The following ETV5 variants were observed in gnomAD, a reference collection of about 807,000 sequenced individuals.
ETV5 encodes ETS variant transcription factor 5.
Under a neutral mutation model 70.0 loss-of-function variants are expected in ETV5, and 10 were observed. The ratio of observed to expected loss-of-function variants is 0.14; its 90% CI spans 0.09 to 0.24. The LOEUF (loss-of-function observed/expected upper bound fraction) is 0.24. Among genes scored for constraint, ETV5 ranks in the 10% least tolerant of loss-of-function variants. The pLI is 1.00. For missense variants in ETV5, 453 were observed against 651.2 expected, an observed-to-expected ratio of 0.70 and a Z score of 3.31; for synonymous variants, 216 against 242.2, an observed-to-expected ratio of 0.89 and a Z score of 1.01.
rs1377306206 is a variant in ETV5 at position 186,052,535 on chromosome 3, A to G, written c.1210-404T>C. Among the ~76,000 whole-genome samples, 5 of 152,190 alleles carry G rather than the reference A, an allele frequency of 3.3e-5. No individual in the cohort carries two copies. Among genetic ancestry groups the G allele is most frequent in the African/African-American group, 9.7e-5 (4 of 41,440 alleles). ...AGAATGGTCATTCCTGAAACATTAG[A>G]AACACACTAGTGAGTTGCTAATGGG... On this transcript the variant is annotated intron_variant, in intron 11 of 12. Transcript: ENST00000306376. The surrounding 1 kb of genome is among the most constrained non-coding windows in gnomAD (Gnocchi z 4.5).
intron 5 of ETV5, among the ~76,000 whole-genome samples, chr3:186,089,154 T>G (rs575253401): frequency 6.6e-6 from 1 of 152,256 alleles, no homozygotes; most frequent in East Asian, 1.9e-4. Flanking sequence ...TTCTGGCACT[T>G]AAAAAAGAAT....
In ETV5 at chr3:186,057,494, G is replaced by T; in HGVS notation, c.971-3C>A. The T allele has an allele frequency of 6.2e-7, 1 of 1,612,630 alleles. No individual in the cohort carries two copies. Among genetic ancestry groups the T allele is most frequent in the African/African-American group, 1.3e-5 (1 of 75,000 alleles). ...GGGATCTTTTTCATATGAAAAACCT[G>T]AAAGAGAATTTAAAAGAAAGACTAC... On this transcript the variant is annotated splice_region_variant and splice_polypyrimidine_tract_variant and intron_variant, in intron 9 of 12. Coordinates refer to ENST00000306376, the MANE Select transcript of ETV5 (RefSeq NM_004454.3). This position sits in a 1 kb window ranked among gnomAD's most constrained non-coding sequence, Gnocchi z 4.9.
At chr3:186,102,097 T>C (rs750703065) in intron 5 of ETV5, among the ~76,000 whole-genome samples, 127 of 152,084 alleles carry the variant, frequency 8.4e-4, no homozygotes, top group Non-Finnish European at 1.5e-3. Flanking sequence ...TGTATCCCTA[T>C]GGGCAGGAAA....
At chr3:186,091,763 G>A (rs1714187971) in intron 5 of ETV5, among the ~76,000 whole-genome samples, 1 of 152,166 alleles carries the variant, frequency 6.6e-6, no homozygotes, top group Non-Finnish European at 1.5e-5. Context: ...CATGGACTAT[G>A]GGAAAGACAT....
chr3:186,084,443 G>A (rs1380039583), intron 5 of ETV5, among the ~76,000 whole-genome samples: 4 of 150,928 alleles, frequency 2.7e-5, no homozygotes, highest in African/African-American at 9.8e-5. Context: ...TCTTTGTCAT[G>A]AAGATCTTTC....
At chr3:186,082,313 T>G (rs1713950961) in intron 5 of ETV5, among the ~76,000 whole-genome samples, 1 of 152,252 alleles carries the variant, frequency 6.6e-6, no homozygotes, top group Non-Finnish European at 1.5e-5. Context: ...GTCAGTGGTC[T>G]GGTGACCCAG....
intron 7 of ETV5, among the ~76,000 whole-genome samples, chr3:186,073,206 T>G (rs1053377714): frequency 2.6e-5 from 4 of 152,220 alleles, no homozygotes; most frequent in African/African-American, 9.6e-5. Flanking sequence ...CATTACATTT[T>G]AAAAACTTAA....
At chr3:186,108,700 G>A (rs1247729848) in intron 1 of ETV5, 1 of 1,135,794 alleles carries the variant, frequency 8.8e-7, no homozygotes, top group African/African-American at 1.7e-5. Flanking sequence ...ACGACGTGTG[G>A]AAAGCCGCTC....
At chr3:186,069,130 T>A (rs909863933) in intron 7 of ETV5, among the ~76,000 whole-genome samples, 2 of 152,182 alleles carry the variant, frequency 1.3e-5, no homozygotes, top group African/African-American at 4.8e-5. Flanking sequence ...ACTGTTTACA[T>A]CAGGGTATAG....
intron 5 of ETV5, among the ~76,000 whole-genome samples, chr3:186,081,836 C>T (rs1051930784): frequency 2.0e-5 from 3 of 152,266 alleles, no homozygotes; most frequent in Admixed American, 6.5e-5. Flanking sequence ...TTTGTGCTTA[C>T]AACATCTGCT....
chr3:186,080,391 G>C (rs1713904565), intron 6 of ETV5, among the ~76,000 whole-genome samples: 2 of 151,066 alleles, frequency 1.3e-5, no homozygotes, highest in Admixed American at 6.6e-5. Flanking sequence ...CTCCGTGTAT[G>C]CCTGTGTAGG....
At chr3:186,055,869 T>C (rs1297102056) in intron 11 of ETV5, among the ~76,000 whole-genome samples, 1 of 152,220 alleles carries the variant, frequency 6.6e-6, no homozygotes, top group Non-Finnish European at 1.5e-5. Flanking sequence ...TCTAAGAGTG[T>C]CTAAGAGTGT....
Position 186,080,036 on chromosome 3 carries a change from G to C in ETV5, c.431C>G (p.Thr144Ser). 1 of 1,536,234 alleles carries C rather than the reference G, an allele frequency of 6.5e-7. No individual in the cohort carries two copies. The highest frequency in any genetic ancestry group is 8.7e-7 in the Non-Finnish European group (1 of 1,150,736). The change falls in exon 7 of 13, where the codon ACC becomes AGC. Residue 144 changes from threonine (T) to serine (S), a missense_variant. This residue lies in a region of ETV5 where 307 missense variants were observed against 344.9 expected (regional missense o/e 0.89). Coordinates refer to ENST00000306376, the MANE Select transcript of ETV5 (RefSeq NM_004454.3). Reference protein sequence around the residue: ...LTPPTTPLSPTHQNPLFPPPQ... With the variant: ...LTPPTTPLSPSHQNPLFPPPQ... ...TGGGGGAAATAGGGGATTCTGATGG[G>C]TGGGTGAGAGGGGGGTTGTAGGAGG...
intron 9 of ETV5, among the ~76,000 whole-genome samples, chr3:186,062,410 C>A (rs1713326746): frequency 6.6e-6 from 1 of 152,190 alleles, no homozygotes; most frequent in African/African-American, 2.4e-5. Context: ...ATCACGAGGT[C>A]AAGAGACTGA....
rs1183980358 is a variant in ETV5 at position 186,079,880 on chromosome 3, G to T, written c.587C>A (p.Pro196Gln). 6.2e-7 allele frequency: 1 copy of T among 1,610,598 alleles called. No homozygotes were observed. Among genetic ancestry groups the T allele is most frequent in the East Asian group, 2.2e-5 (1 of 44,592 alleles). Residue 196 changes from proline to glutamine, a missense_variant, in exon 7 of 13, where the codon CCA becomes CAA. Pro to Gln is a moderately conservative substitution (Grantham distance 76, BLOSUM62 -1). This residue lies in a region of ETV5 where 307 missense variants were observed against 344.9 expected (regional missense o/e 0.89). Transcript: ENST00000306376. The part of the protein sequence containing the change: ...PQQQTFAVPR[P>Q]PHQPLQMPKM... ...TGGCATCTGCAGGGGCTGATGTGGT[G>T]GTCGGGGGACCGCAAATGTTTGCTG...
chr3:186,082,925 C>A (rs1368093836), intron 5 of ETV5, among the ~76,000 whole-genome samples: 1 of 152,204 alleles, frequency 6.6e-6, no homozygotes, highest in Non-Finnish European at 1.5e-5. Flanking sequence ...TTTCATAATT[C>A]TTTTCTTATA....
Position 186,097,995 on chromosome 3 carries a change from G to A in ETV5, c.232+7310C>T, listed in dbSNP as rs568981353. Among the ~76,000 whole-genome samples the A allele has an allele frequency of 8.5e-5, 13 of 152,340 alleles. No homozygotes were observed. In the South Asian group the frequency reaches 2.7e-3, roughly 32 times the overall value. On this transcript the variant is annotated intron_variant, in intron 5 of 12. Transcript: ENST00000306376. ...ATCTGCAGCTCTGCTAGCTGGGGCA[G>A]ACCTAATAGTGCTCAGCGCCCAGCT...
intron 1 of ETV5, chr3:186,108,622 G>A (rs939920894): frequency 5.1e-6 from 6 of 1,175,932 alleles, no homozygotes; most frequent in Non-Finnish European, 5.4e-6. Context: ...GACTGTGAAA[G>A]CCTCGCAACT....
chr3:186,088,066 G>A (rs1714099022), intron 5 of ETV5, among the ~76,000 whole-genome samples: 2 of 152,164 alleles, frequency 1.3e-5, no homozygotes, highest in African/African-American at 4.8e-5. Context: ...GGCTTTGACC[G>A]CCTTCCAGCA....
Sources: allele counts gnomAD v4.1 joint callset (sites outside exome capture counted in the v4.1 genomes callset), GRCh38; gene constraint gnomAD v4.1.1; regional missense constraint gnomAD v4.1.1; non-coding constraint Gnocchi (gnomAD v3.1); transcripts MANE v1.5; gene names NCBI Gene and HGNC (gene_info 2026-07-23, HGNC 2026-07-21).